PALM2AKAP2: variants seen among roughly 807,000 people sequenced by gnomAD.
PALM2AKAP2 encodes PALM2 and AKAP2 fusion.
In PALM2AKAP2, 37 loss-of-function variants were observed where a neutral mutation model predicts 71.5. The observed-to-expected ratio is 0.52, with a 90% CI of 0.40 to 0.68. The LOEUF (loss-of-function observed/expected upper bound fraction) is 0.68, where lower values mean the gene tolerates loss of function less well. Among genes scored for constraint, PALM2AKAP2 ranks in the 30% least tolerant of loss-of-function variants. The pLI is 0.00. For missense variants in PALM2AKAP2, 1,224 were observed against 1,191.8 expected (o/e 1.03, Z -0.40); for synonymous variants, 468 against 478.8 (o/e 0.98, Z 0.29).
intron 1 of PALM2AKAP2, among the ~76,000 whole-genome samples, chr9:109,806,891 T>G (rs1416234321): frequency 6.6e-6 from 1 of 152,186 alleles, no homozygotes; most frequent in East Asian, 1.9e-4. Context: ...GTGGAAGATT[T>G]GGAGCACAAG....
At chr9:110,078,538 G>C (rs190143888) in intron 1 of PALM2AKAP2, among the ~76,000 whole-genome samples, 1 of 147,994 alleles carries the variant, frequency 6.8e-6, no homozygotes, top group African/African-American at 2.7e-5. Flanking sequence ...ATCGGGAAAA[G>C]AGCATTTAGC....
At chr9:110,096,135 A>G (rs1043118856) in intron 1 of PALM2AKAP2, among the ~76,000 whole-genome samples, 4 of 152,230 alleles carry the variant, frequency 2.6e-5, no homozygotes, top group African/African-American at 9.6e-5. Flanking sequence ...AAACTGCATG[A>G]TTAATGTCAG....
intron 3 of PALM2AKAP2, among the ~76,000 whole-genome samples, chr9:109,912,127 A>G (rs537692971): frequency 6.6e-6 from 1 of 152,286 alleles, no homozygotes; most frequent in African/African-American, 2.4e-5. Flanking sequence ...ACAGGAAGGC[A>G]TAAGGCTGGA....
At chr9:109,882,966 G>A (rs1466676499) in intron 3 of PALM2AKAP2, among the ~76,000 whole-genome samples, 1 of 152,120 alleles carries the variant, frequency 6.6e-6, no homozygotes, top group Non-Finnish European at 1.5e-5. Context: ...TTTTTCTTAA[G>A]TGTCACTGGG....
intron 6 of PALM2AKAP2, among the ~76,000 whole-genome samples, chr9:109,959,455 C>G (rs1028760229): frequency 1.3e-5 from 2 of 151,916 alleles, no homozygotes; most frequent in African/African-American, 4.8e-5. Flanking sequence ...CCATCCTAGC[C>G]TATACAGTGA....
At chr9:110,050,385 A>G (rs1372575018) in intron 1 of PALM2AKAP2, among the ~76,000 whole-genome samples, 2 of 152,182 alleles carry the variant, frequency 1.3e-5, no homozygotes, top group Non-Finnish European at 2.9e-5. Context: ...CTTTCTGGAA[A>G]TGTTCTTAAT....
At chr9:109,752,367 G>A (rs1828898766) in intron 1 of PALM2AKAP2, among the ~76,000 whole-genome samples, 1 of 152,142 alleles carries the variant, frequency 6.6e-6, no homozygotes. Context: ...CTATACTGGT[G>A]ATTTTGACTC....
chr9:109,830,899 C>G (rs1205849758), intron 1 of PALM2AKAP2, among the ~76,000 whole-genome samples: 2 of 152,042 alleles, frequency 1.3e-5, no homozygotes, highest in African/African-American at 4.8e-5. Flanking sequence ...TGTATTTTTT[C>G]CCTCTGCAGT....
chr9:110,060,093 ATTTTGTTTTTGTTTTTGT>A (rs74631739), intron 1 of PALM2AKAP2, among the ~76,000 whole-genome samples: 5,942 of 150,476 alleles, frequency 0.039, 414 homozygotes, highest in African/African-American at 0.14. Context: ...GGGGCCAGGT[ATTTTGTTTTTGTTTTTGT>A]TTTTGTTTTT....
intron 1 of PALM2AKAP2, among the ~76,000 whole-genome samples, chr9:110,119,341 C>CAAAAA (rs200861093): frequency 3.4e-4 from 30 of 88,486 alleles, no homozygotes; most frequent in East Asian, 5.4e-4. Context: ...GACTCCATCT[C>CAAAAA]AAAAAAAAAA....
chr9:109,672,753 A>G (rs1423149758), intron 1 of PALM2AKAP2, among the ~76,000 whole-genome samples: 1 of 152,032 alleles, frequency 6.6e-6, no homozygotes, highest in Non-Finnish European at 1.5e-5. Flanking sequence ...TTTGGTTGGT[A>G]GGCTGTTTAT....
intron 2 of PALM2AKAP2, among the ~76,000 whole-genome samples, chr9:110,152,681 G>A (rs1836351248): frequency 6.6e-6 from 1 of 152,236 alleles, no homozygotes; most frequent in Non-Finnish European, 1.5e-5. Flanking sequence ...CCGGAGTGCT[G>A]TCACCGTCCT....
At chr9:109,826,180 C>T (rs1173675614) in intron 1 of PALM2AKAP2, among the ~76,000 whole-genome samples, 3 of 138,302 alleles carry the variant, frequency 2.2e-5, no homozygotes, top group Non-Finnish European at 4.5e-5. Flanking sequence ...CACAGGGACA[C>T]AGGAAGGGGA....
chr9:109,746,896 G>A (rs923377306), intron 1 of PALM2AKAP2, among the ~76,000 whole-genome samples: 2 of 152,160 alleles, frequency 1.3e-5, no homozygotes, highest in African/African-American at 4.8e-5. Flanking sequence ...GCTCTATGAA[G>A]ATTTTAACAG....
chr9:109,654,842 A>G (rs1038563997), intron 1 of PALM2AKAP2, among the ~76,000 whole-genome samples: 7 of 151,556 alleles, frequency 4.6e-5, no homozygotes, highest in Non-Finnish European at 1.0e-4. Flanking sequence ...AGATGTGCCT[A>G]TCTGTGTCTT....
chr9:109,657,861 A>G, intron 1 of PALM2AKAP2, among the ~76,000 whole-genome samples: 1 of 151,406 alleles, frequency 6.6e-6, no homozygotes, highest in East Asian at 2.0e-4. Flanking sequence ...AGGGAGTGGC[A>G]TGTCATCCCT....
At chr9:109,929,270 T>A (rs1031124899) in intron 5 of PALM2AKAP2, among the ~76,000 whole-genome samples, 14 of 151,988 alleles carry the variant, frequency 9.2e-5, no homozygotes, top group African/African-American at 3.1e-4. Context: ...AGCCTCCATC[T>A]TATTTGAATG....
chr9:109,740,329 T>C (rs909646781), intron 1 of PALM2AKAP2, among the ~76,000 whole-genome samples: 4 of 152,156 alleles, frequency 2.6e-5, no homozygotes, highest in African/African-American at 4.8e-5. Flanking sequence ...ATGAGTACTA[T>C]AGCAAATAAG....
chr9:109,872,338 C>T (rs919678843), intron 2 of PALM2AKAP2, among the ~76,000 whole-genome samples: 2 of 151,888 alleles, frequency 1.3e-5, no homozygotes, highest in African/African-American at 4.8e-5. Flanking sequence ...TTTAATATTT[C>T]CTTCTGTCCC....
Sources: gnomAD v4.1 joint callset for allele counts (sites outside exome capture counted in the v4.1 genomes callset) on GRCh38, gnomAD v4.1.1 for gene constraint, MANE v1.5 for transcripts, NCBI Gene and HGNC (gene_info 2026-07-23, HGNC 2026-07-21) for gene names.